The following PCDHAC1 variants were observed in gnomAD, a reference collection of about 807,000 sequenced individuals.
PCDHAC1 encodes protocadherin alpha subfamily C, 1.
PCDHAC1 carries 42 observed loss-of-function variants against 60.0 expected under a neutral mutation model. The observed-to-expected ratio is 0.70, with a 90% CI of 0.55 to 0.90. The LOEUF (loss-of-function observed/expected upper bound fraction) is 0.90. Ranked by LOEUF, PCDHAC1 falls within the 40% of genes least tolerant of loss-of-function variation. The pLI, the probability that PCDHAC1 is intolerant of heterozygous loss-of-function variation, is 0.00. For missense variants in PCDHAC1, 1,160 were observed against 1,222.3 expected (o/e 0.95, Z 0.76); for synonymous variants, 468 against 499.3 (o/e 0.94, Z 0.84).
intron 3 of PCDHAC1, among the ~76,000 whole-genome samples, chr5:141,009,130 G>A (rs1395175038): frequency 2.0e-5 from 3 of 152,188 alleles, no homozygotes; most frequent in African/African-American, 7.2e-5. Flanking sequence ...TGGTATCCTG[G>A]TGAAAAAACC....
In PCDHAC1 at chr5:140,928,636, A is replaced by G; in HGVS notation, c.1744A>G (p.Lys582Glu). The change falls in exon 1 of 4, where the codon AAA becomes GAA. Residue 582 changes from lysine to glutamate, a missense_variant. Physicochemically the swap from Lys to Glu is moderately conservative, Grantham distance 56 (BLOSUM62 1). Coordinates refer to ENST00000253807, the MANE Select transcript of PCDHAC1 (RefSeq NM_018898.5). ...RSARTGHLVT[K>E]VVAEDADSGS... The stretch of plus-strand genomic sequence containing the variant: ...TGCCAGGACTGGACACTTGGTCACA[A>G]AAGTGGTAGCAGAGGATGCTGACAG... 6.2e-7 allele frequency: 1 copy of G among 1,614,206 alleles called. No homozygotes were observed. Among genetic ancestry groups the G allele is most frequent in the Non-Finnish European group, 8.5e-7 (1 of 1,180,030 alleles).
At chr5:140,948,665 A>T (rs2094288381) in intron 1 of PCDHAC1, among the ~76,000 whole-genome samples, 1 of 151,668 alleles carries the variant, frequency 6.6e-6, no homozygotes. Flanking sequence ...ATCTGTAGTG[A>T]TAACATCTTT....
At chr5:141,002,589 TC>T (rs1157810975) in intron 3 of PCDHAC1, among the ~76,000 whole-genome samples, 1 of 152,140 alleles carries the variant, frequency 6.6e-6, no homozygotes, top group African/African-American at 2.4e-5. Context: ...TAGTCCTTAG[TC>T]CCCTCATCTA....
chr5:140,967,112 C>T (rs1338076103), intron 1 of PCDHAC1: 4 of 1,612,876 alleles, frequency 2.5e-6, no homozygotes, highest in East Asian at 2.2e-5. Flanking sequence ...GCAGCGGCCT[C>T]GCTGCCTGCT....
At chr5:140,931,216 A>G (rs1347905969) in intron 1 of PCDHAC1, among the ~76,000 whole-genome samples, 4 of 152,190 alleles carry the variant, frequency 2.6e-5, no homozygotes, top group African/African-American at 9.6e-5. Context: ...TTCAGGTATC[A>G]GAGCACTTAA....
intron 3 of PCDHAC1, among the ~76,000 whole-genome samples, chr5:141,007,375 A>G (rs2098319986): frequency 6.8e-6 from 1 of 146,418 alleles, no homozygotes; most frequent in Non-Finnish European, 1.5e-5. Context: ...ACATGATGGA[A>G]CACCATCTCT....
Position 140,928,450 on chromosome 5 carries a change from G to C in PCDHAC1, c.1558G>C (p.Gly520Arg). The change falls in exon 1 of 4, where the codon GGG becomes CGG. Residue 520 changes from glycine (G) to arginine (R), a missense_variant. Transcript: ENST00000253807. ...KTSFDFEQLR[G>R]FHFQVEGRDG... ...TTCCTTTGACTTTGAGCAGCTCAGG[G>C]GGTTTCATTTCCAAGTAGAAGGCCG... The C allele has an allele frequency of 1.2e-6, 2 of 1,614,146 alleles. No individual in the cohort carries two copies. Among genetic ancestry groups the C allele is most frequent in the Non-Finnish European group, 8.5e-7 (1 of 1,180,020 alleles).
chr5:140,993,462 TCACACA>T (rs3836747), intron 3 of PCDHAC1, among the ~76,000 whole-genome samples: 28,176 of 140,902 alleles, frequency 0.2, 2,920 homozygotes, highest in East Asian at 0.31. Flanking sequence ...TCTTTCTTTC[TCACACA>T]CACACACACA....
chr5:140,947,905 G>C (rs181055131), intron 1 of PCDHAC1, among the ~76,000 whole-genome samples: 1 of 151,610 alleles, frequency 6.6e-6, no homozygotes, highest in East Asian at 1.9e-4. Flanking sequence ...GGTGAGAGCA[G>C]ACATTCTTGC....
intron 3 of PCDHAC1, among the ~76,000 whole-genome samples, chr5:141,008,968 T>C (rs1241825350): frequency 6.6e-6 from 1 of 152,256 alleles, no homozygotes; most frequent in Non-Finnish European, 1.5e-5. Flanking sequence ...AATACATTTA[T>C]AGCCAAAGTT....
intron 1 of PCDHAC1, chr5:140,966,895 G>T: frequency 6.3e-7 from 1 of 1,596,682 alleles, no homozygotes. Flanking sequence ...CGGCCTCCCA[G>T]CTGCGATACT....
intron 1 of PCDHAC1, among the ~76,000 whole-genome samples, chr5:140,938,718 G>A (rs1186763511): frequency 5.3e-5 from 8 of 151,986 alleles, no homozygotes; most frequent in Non-Finnish European, 1.0e-4. Flanking sequence ...ATAGAAACGC[G>A]TTTCTACAGA....
chr5:141,010,025 A>G lies in PCDHAC1; in HGVS notation c.*88A>G. The G allele has an allele frequency of 6.4e-7, 1 of 1,573,940 alleles. No homozygotes were observed. The highest frequency in any genetic ancestry group is 2.2e-5 in the East Asian group (1 of 44,636). ...TAGCAATTCCCTGCTCCTTTTTCCT[A>G]TCTACATGAGCCCTCTTAGAGACCT... On this transcript the variant is annotated 3_prime_UTR_variant, in exon 4 of 4. Transcript: ENST00000253807.
At chr5:140,941,191 T>TTTTCTTTCTTTCTTTC (rs1217097209) in intron 1 of PCDHAC1, among the ~76,000 whole-genome samples, 1 of 93,206 alleles carries the variant, frequency 1.1e-5, no homozygotes, top group Admixed American at 1.2e-4. Flanking sequence ...GCTTCTTTTT[T>TTTTCTTTCTTTCTTTC]TTTCTTTCTT....
At chr5:140,966,971 C>G (rs375161984) in intron 1 of PCDHAC1, 1 of 1,602,808 alleles carries the variant, frequency 6.2e-7, no homozygotes, top group Non-Finnish European at 8.5e-7. Flanking sequence ...GGGGCTTGAG[C>G]TGCGGCGCTT....
intron 1 of PCDHAC1, among the ~76,000 whole-genome samples, chr5:140,942,908 G>A (rs187574457): frequency 2.6e-5 from 4 of 151,726 alleles, no homozygotes; most frequent in African/African-American, 9.7e-5. Flanking sequence ...AAGAATAAGC[G>A]TGAAGAAAAA....
chr5:140,937,151 C>T (rs1170352289), intron 1 of PCDHAC1, among the ~76,000 whole-genome samples: 1 of 151,572 alleles, frequency 6.6e-6, no homozygotes, highest in African/African-American at 2.4e-5. Context: ...CATTCTCCTG[C>T]CTCAGCCTCC....
At position 140,927,852 on chromosome 5, in the gene PCDHAC1, A is replaced by C; in HGVS notation, c.960A>C (p.Leu320Phe). 1 of 1,614,218 alleles carries C rather than the reference A, an allele frequency of 6.2e-7. No individual in the cohort carries two copies. Among genetic ancestry groups the C allele is most frequent in the Non-Finnish European group, 8.5e-7 (1 of 1,180,044 alleles). ...IEARDEGVFG[L>F]ASTAKLLVEV... ...CGAGGGACGAAGGTGTCTTTGGTTTAGCTAGCACCGCTAAACTGCTGGTGG... is the reference window on the plus strand; with the variant it reads ...CGAGGGACGAAGGTGTCTTTGGTTTCGCTAGCACCGCTAAACTGCTGGTGG... The change falls in exon 1 of 4, where the codon TTA (leucine) becomes TTC (phenylalanine). Residue 320 changes from leucine (L) to phenylalanine (F), a missense_variant. Physicochemically the swap from Leu to Phe is conservative, Grantham distance 22. This residue lies in a region of PCDHAC1 where 1,113 missense variants were observed against 1,163.7 expected (regional missense o/e 0.96). Coordinates refer to ENST00000253807, the MANE Select transcript of PCDHAC1 (RefSeq NM_018898.5).
chr5:140,963,395 C>T (rs544819387), intron 1 of PCDHAC1, among the ~76,000 whole-genome samples: 4 of 152,322 alleles, frequency 2.6e-5, no homozygotes, highest in African/African-American at 7.2e-5. Flanking sequence ...AAGCTCCCTA[C>T]TGGATGCTGT....
Sources: gnomAD v4.1 joint callset for allele counts (sites outside exome capture counted in the v4.1 genomes callset) on GRCh38, gnomAD v4.1.1 for gene constraint, gnomAD v4.1.1 regional missense constraint, MANE v1.5 for transcripts, NCBI Gene and HGNC (gene_info 2026-07-23, HGNC 2026-07-21) for gene names.